GRM1: variants seen among roughly 807,000 people sequenced by gnomAD.
The protein encoded by GRM1 is glutamate metabotropic receptor 1.
Under a neutral mutation model 90.9 loss-of-function variants are expected in GRM1, and 33 were observed. The observed-to-expected ratio is 0.36, with a 90% CI of 0.28 to 0.49. The LOEUF (loss-of-function observed/expected upper bound fraction) is 0.49, where lower values mean the gene tolerates loss of function less well. GRM1 is among the 20% of genes least tolerant of loss of function. The probability of loss-of-function intolerance (pLI) is 0.99; values close to 1 mark genes in which losing one functional copy is unlikely to be tolerated. For synonymous variants in GRM1, 700 were observed against 613.2 expected (o/e 1.14, Z -2.09); for missense variants, 1,190 against 1,534.3 (o/e 0.78, Z 3.75).
intron 2 of GRM1, among the ~76,000 whole-genome samples, chr6:146,229,215 C>T (rs941006081): frequency 1.3e-5 from 2 of 151,548 alleles, no homozygotes; most frequent in African/African-American, 4.9e-5. Flanking sequence ...AACTCCCGAC[C>T]TCAGGTGATC....
chr6:146,334,663 C>T (rs1217615978), intron 3 of GRM1, among the ~76,000 whole-genome samples: 4 of 152,234 alleles, frequency 2.6e-5, no homozygotes, highest in South Asian at 4.1e-4. Flanking sequence ...GTATTTTCTC[C>T]GTACGGGCTT....
chr6:146,072,596 A>T (rs1453226550), intron 1 of GRM1, among the ~76,000 whole-genome samples: 1 of 152,156 alleles, frequency 6.6e-6, no homozygotes, highest in Non-Finnish European at 1.5e-5. Flanking sequence ...ACATAATTTG[A>T]CCATATTTGT....
chr6:146,092,863 A>G (rs1405399035), intron 1 of GRM1, among the ~76,000 whole-genome samples: 1 of 152,112 alleles, frequency 6.6e-6, no homozygotes, highest in East Asian at 1.9e-4. Context: ...GATTTCGCCA[A>G]ATTGATTTGT....
At chr6:146,332,305 C>G (rs547273120) in intron 3 of GRM1, among the ~76,000 whole-genome samples, 3 of 152,272 alleles carry the variant, frequency 2.0e-5, no homozygotes, top group African/African-American at 7.2e-5. Context: ...TCTTGTTTAG[C>G]ATCTCATAAG....
intron 1 of GRM1, among the ~76,000 whole-genome samples, chr6:146,052,579 G>A (rs1208644970): frequency 1.3e-5 from 2 of 151,992 alleles, no homozygotes; most frequent in Non-Finnish European, 2.9e-5. Flanking sequence ...ATCCCACTCA[G>A]CCATGGGTCT....
chr6:146,059,752 C>A (rs1203224235), intron 1 of GRM1, among the ~76,000 whole-genome samples: 1 of 152,170 alleles, frequency 6.6e-6, no homozygotes, highest in East Asian at 1.9e-4. Flanking sequence ...TACATCAGCA[C>A]TTGCTTCTTC....
At chr6:146,241,232 G>A (rs959873064) in intron 2 of GRM1, among the ~76,000 whole-genome samples, 4 of 152,074 alleles carry the variant, frequency 2.6e-5, no homozygotes, top group African/African-American at 9.7e-5. Flanking sequence ...AAGTTGAAGA[G>A]GGAGGCATTC....
chr6:146,359,234 A>G (rs1011512896), intron 5 of GRM1, among the ~76,000 whole-genome samples: 1 of 152,208 alleles, frequency 6.6e-6, no homozygotes, highest in African/African-American at 2.4e-5. Flanking sequence ...GTTCTCTGAA[A>G]TCCACAGGCC....
chr6:146,320,692 C>G (rs1487140848), intron 3 of GRM1, among the ~76,000 whole-genome samples: 1 of 151,880 alleles, frequency 6.6e-6, no homozygotes, highest in Non-Finnish European at 1.5e-5. Flanking sequence ...CTGGTTCAGT[C>G]TTGGGAGAGT....
upstream of GRM1, among the ~76,000 whole-genome samples, chr6:146,028,252 TG>T (rs1790566447): frequency 2.0e-5 from 3 of 149,732 alleles, no homozygotes; most frequent in African/African-American, 7.4e-5. Context: ...TGTGTGTGTG[TG>T]TGTGTGTGTG....
rs565077203 is a variant in GRM1 at position 146,159,635 on chromosome 6, T to A, written c.950+38T>A. ...CTCTCTCTCTCTCTCTCTCTCTCTC[T>A]CTCTCTCACACACACACATGCACAC... On this transcript the variant is annotated intron_variant, in intron 2 of 7. Transcript: ENST00000282753. The A allele has an allele frequency of 0.024, 30,912 of 1,286,010 alleles. 2,637 individuals are homozygous for A. In the African/African-American group the frequency reaches 0.28, roughly 12 times the overall value. The allele number at this position is 1,286,010 out of a possible 1,614,324, so 79.7% of individuals were successfully genotyped here.
intron 2 of GRM1, among the ~76,000 whole-genome samples, chr6:146,190,651 A>G (rs779444765): frequency 3.0e-4 from 46 of 152,276 alleles, no homozygotes; most frequent in Non-Finnish European, 5.9e-4. Context: ...TAATAAGAAA[A>G]GACAATTTTT....
At chr6:146,168,751 G>T (rs1777999307) in intron 2 of GRM1, among the ~76,000 whole-genome samples, 2 of 151,928 alleles carry the variant, frequency 1.3e-5, no homozygotes, top group Admixed American at 1.3e-4. Context: ...GACTTTTATG[G>T]TCAATACTCT....
intron 2 of GRM1, among the ~76,000 whole-genome samples, chr6:146,252,574 A>G (rs905374303): frequency 6.6e-6 from 1 of 150,998 alleles, no homozygotes; most frequent in African/African-American, 2.4e-5. Flanking sequence ...AGATCCCGAC[A>G]CTGCACTACA....
chr6:146,042,113 G>A (rs951239034), intron 1 of GRM1, among the ~76,000 whole-genome samples: 4 of 151,990 alleles, frequency 2.6e-5, no homozygotes, highest in Non-Finnish European at 2.9e-5. Flanking sequence ...GGCCCTCAAT[G>A]ACTCAATCAA....
At chr6:146,113,508 G>A (rs984388981) in intron 1 of GRM1, among the ~76,000 whole-genome samples, 1 of 152,186 alleles carries the variant, frequency 6.6e-6, no homozygotes, top group Non-Finnish European at 1.5e-5. Context: ...GAAAGTATAT[G>A]TACTCCTTAT....
chr6:146,251,599 T>A (rs12190884), intron 2 of GRM1, among the ~76,000 whole-genome samples: 18,273 of 152,308 alleles, frequency 0.12, 1,360 homozygotes, highest in South Asian at 0.21. Flanking sequence ...GTTTCACAGT[T>A]GTTCAGAAGC....
rs1776267512 is a variant in GRM1 at position 146,380,197 on chromosome 6, A to G, written c.1603-6693A>G. 2.6e-5 allele frequency among the ~76,000 whole-genome samples: 4 copies of G among 152,064 alleles called. No homozygotes were observed. In the South Asian group the frequency reaches 8.3e-4, roughly 31 times the overall value. ...TCTGTGTTCTTGCCTTCAGGACAGC[A>G]AGGTCTCCCAGAGCCCTGTGTGGAT... On this transcript the variant is annotated intron_variant, in intron 5 of 7. Transcript: ENST00000282753.
chr6:146,239,957 G>C (rs1780792705), intron 2 of GRM1, among the ~76,000 whole-genome samples: 1 of 152,032 alleles, frequency 6.6e-6, no homozygotes, highest in Non-Finnish European at 1.5e-5. Flanking sequence ...ACAAGCTCTT[G>C]GGTCACCTGC....
Sources: gnomAD v4.1 joint callset for allele counts (sites outside exome capture counted in the v4.1 genomes callset) on GRCh38, gnomAD v4.1.1 for gene constraint, MANE v1.5 for transcripts, NCBI Gene and HGNC (gene_info 2026-07-23, HGNC 2026-07-21) for gene names.